Variants in TTC27 observed in about 807,000 individuals in gnomAD.
TTC27 encodes the protein tetratricopeptide repeat protein 27.
A neutral mutation model predicts 115.9 loss-of-function variants in TTC27; 79 were observed. The observed-to-expected ratio is 0.68, with a 90% confidence interval of 0.57 to 0.82. The LOEUF is 0.82. TTC27 is among the 40% of genes least tolerant of loss of function. TTC27 has a pLI of 0.00. For missense variants in TTC27, 1,054 were observed against 993.1 expected, an observed-to-expected ratio of 1.06 and a Z score of -0.82; for synonymous variants, 401 against 356.0, an observed-to-expected ratio of 1.13 and a Z score of -1.42.
At chr2:32,721,913 T>TA (rs1206008320) in intron 10 of TTC27, among the ~76,000 whole-genome samples, 2 of 152,222 alleles carry the variant, frequency 1.3e-5, no homozygotes, top group African/African-American at 4.8e-5. Flanking sequence ...TCACCGTGCC[T>TA]AGCAGTGCTT....
chr2:32,650,566 T>A (rs533699245), intron 5 of TTC27, among the ~76,000 whole-genome samples: 2 of 152,000 alleles, frequency 1.3e-5, no homozygotes, highest in African/African-American at 4.8e-5. Flanking sequence ...GAAGCCTCAT[T>A]GGAAACAGAT....
intron 5 of TTC27, among the ~76,000 whole-genome samples, chr2:32,656,969 A>C (rs1665345834): frequency 6.6e-6 from 1 of 151,564 alleles, no homozygotes; most frequent in Admixed American, 6.6e-5. Flanking sequence ...ACCTTGCAGT[A>C]AGATCTAGCA....
At chr2:32,661,307 A>C (rs1665538729) in intron 5 of TTC27, among the ~76,000 whole-genome samples, 2 of 152,198 alleles carry the variant, frequency 1.3e-5, no homozygotes, top group Admixed American at 6.5e-5. Context: ...TCTGTGAAGA[A>C]AGTCAATGGT....
chr2:32,781,021 A>G (rs559380828), intron 14 of TTC27, among the ~76,000 whole-genome samples: 1 of 152,304 alleles, frequency 6.6e-6, no homozygotes, highest in South Asian at 2.1e-4. Context: ...GAGAAATGTT[A>G]CATATTGCTC....
At chr2:32,694,614 T>C (rs185110924) in intron 9 of TTC27, among the ~76,000 whole-genome samples, 89 of 152,184 alleles carry the variant, frequency 5.8e-4, no homozygotes, top group Non-Finnish European at 2.8e-4. Flanking sequence ...TATATTTCTG[T>C]CTTTATATGT....
intron 10 of TTC27, among the ~76,000 whole-genome samples, chr2:32,725,976 C>CATGAGGCTTGCACCCTCTGAAGCT (rs1344702315): frequency 6.6e-6 from 1 of 152,212 alleles, no homozygotes; most frequent in Non-Finnish European, 1.5e-5. Context: ...CCTCTGAAGC[C>CATGAGGCTTGCACCCTCTGAAGCT]ATGGTTCAAG....
At chr2:32,763,396 A>T (rs1193749628) in intron 13 of TTC27, among the ~76,000 whole-genome samples, 1 of 152,232 alleles carries the variant, frequency 6.6e-6, no homozygotes, top group Non-Finnish European at 1.5e-5. Context: ...TCTTTTTTAG[A>T]CATATCCAAA....
intron 16 of TTC27, among the ~76,000 whole-genome samples, chr2:32,798,191 G>C (rs1389697460): frequency 4.0e-5 from 6 of 151,288 alleles, no homozygotes; most frequent in Non-Finnish European, 8.8e-5. Flanking sequence ...CAGATCATGA[G>C]GTCAGGAGAT....
chr2:32,636,134 G>A (rs558904427), intron 3 of TTC27, among the ~76,000 whole-genome samples: 43 of 152,282 alleles, frequency 2.8e-4, no homozygotes, highest in Admixed American at 1.5e-3. Context: ...CTATAGTATA[G>A]ATTAGAAATC....
chr2:32,716,113 C>A (rs558505812), intron 10 of TTC27, among the ~76,000 whole-genome samples: 1 of 152,114 alleles, frequency 6.6e-6, no homozygotes, highest in East Asian at 1.9e-4. Context: ...TCTTTCTATG[C>A]GTAAGCATAA....
chr2:32,656,626 T>C (rs1665329576), intron 5 of TTC27, among the ~76,000 whole-genome samples: 1 of 152,142 alleles, frequency 6.6e-6, no homozygotes. Flanking sequence ...GAATATTTGC[T>C]CACTCCGAGG....
At chr2:32,706,507 G>C (rs922595441) in intron 10 of TTC27, among the ~76,000 whole-genome samples, 13 of 152,024 alleles carry the variant, frequency 8.6e-5, no homozygotes, top group African/African-American at 2.4e-4. Context: ...AACAGAAGTG[G>C]GTTTTCTCTG....
intron 13 of TTC27, among the ~76,000 whole-genome samples, chr2:32,764,377 G>A (rs1203309522): frequency 6.6e-6 from 1 of 151,996 alleles, no homozygotes; most frequent in Non-Finnish European, 1.5e-5. Context: ...TATCAAGTGT[G>A]CAATACTATT....
intron 5 of TTC27, among the ~76,000 whole-genome samples, chr2:32,655,140 C>T (rs537639604): frequency 6.6e-6 from 1 of 152,110 alleles, no homozygotes; most frequent in South Asian, 2.1e-4. Flanking sequence ...GGGTGCCCGC[C>T]ACCATGTCTG....
rs770526741 is a variant in TTC27, at chr2:32,736,730, A to G, written c.1366A>G (p.Thr456Ala). 1.2e-6 allele frequency: 2 copies of G among 1,614,042 alleles called. No individual in the cohort carries two copies. The highest frequency in any genetic ancestry group is 1.7e-5 in the Admixed American group (1 of 60,016). Residue 456 changes from threonine to alanine, a missense_variant, in exon 12 of 20, where the codon ACC (threonine) becomes GCC (alanine). Physicochemically the swap from Thr to Ala is moderately conservative, Grantham distance 58. Coordinates refer to ENST00000317907, the MANE Select transcript of TTC27 (RefSeq NM_017735.5). ...LASLLFELGC[T>A]SSALQIFEKL... Reference sequence around the variant, plus strand: ...AAGTTTGCTCTTTGAGTTGGGATGTACCAGTTCAGCCCTTCAGATATTTGA... The same window carrying G: ...AAGTTTGCTCTTTGAGTTGGGATGTGCCAGTTCAGCCCTTCAGATATTTGA...
intron 12 of TTC27, among the ~76,000 whole-genome samples, chr2:32,738,741 C>T (rs981853895): frequency 1.3e-5 from 2 of 152,184 alleles, no homozygotes; most frequent in African/African-American, 4.8e-5. Context: ...TTTAGTATTA[C>T]TGAAATAAAC....
chr2:32,773,354 T>C (rs1669891297), intron 13 of TTC27, among the ~76,000 whole-genome samples: 1 of 152,206 alleles, frequency 6.6e-6, no homozygotes, highest in Non-Finnish European at 1.5e-5. Flanking sequence ...TTTTCTTTTG[T>C]CCACCTGACT....
At position 32,777,962 on chromosome 2, in the gene TTC27, T is replaced by G. The variant is rs958934363; in HGVS notation, c.1761T>G (p.Cys587Trp). Reference protein sequence around the residue: ...YQGSAKAFQRCVTLEPDNAEA... With the variant: ...YQGSAKAFQRWVTLEPDNAEA... The stretch of plus-strand genomic sequence containing the variant: ...GTTCAGCAAAGGCATTTCAGCGCTG[T>G]GTGACTCTAGAACCCGATGTAAGTT... The change falls in exon 14 of 20, where the codon TGT becomes TGG. Residue 587 changes from cysteine (C) to tryptophan (W), a missense_variant. Cys to Trp is a radical substitution (Grantham distance 215). Coordinates refer to ENST00000317907, the MANE Select transcript of TTC27 (RefSeq NM_017735.5). The G allele has an allele frequency of 1.2e-6, 2 of 1,614,116 alleles. No homozygotes were observed. Among genetic ancestry groups the G allele is most frequent in the Admixed American group, 3.3e-5 (2 of 60,028 alleles).
intron 3 of TTC27, among the ~76,000 whole-genome samples, chr2:32,635,915 T>A (rs1430517909): frequency 1.3e-5 from 2 of 152,168 alleles, no homozygotes; most frequent in Non-Finnish European, 2.9e-5. Context: ...AACTGAAAGG[T>A]TAAAAGATGT....
Sources: allele counts gnomAD v4.1 joint callset (sites outside exome capture counted in the v4.1 genomes callset), GRCh38; gene constraint gnomAD v4.1.1; transcripts MANE v1.5; gene names NCBI Gene and HGNC (gene_info 2026-07-23, HGNC 2026-07-21).